Variants in HS6ST3 observed in about 807,000 individuals in gnomAD.
HS6ST3 encodes heparan-sulfate 6-O-sulfotransferase 3.
Under a neutral mutation model 36.7 loss-of-function variants are expected in HS6ST3, and 12 were observed. The ratio of observed to expected loss-of-function variants is 0.33; its 90% CI spans 0.21 to 0.53. HS6ST3 has a LOEUF of 0.53. Among genes scored for constraint, HS6ST3 ranks in the 20% least tolerant of loss-of-function variants. HS6ST3 has a pLI of 0.95. For synonymous variants in HS6ST3, 240 were observed against 257.5 expected, an observed-to-expected ratio of 0.93 and a Z score of 0.65; for missense variants, 584 against 640.9, an observed-to-expected ratio of 0.91 and a Z score of 0.96.
chr13:96,465,702 G>T (rs2055810234), intron 1 of HS6ST3, among the ~76,000 whole-genome samples: 1 of 151,962 alleles, frequency 6.6e-6, no homozygotes, highest in Admixed American at 6.6e-5. Context: ...GAACCTGGGT[G>T]GTGCTTACAT....
chr13:96,659,236 GT>G (rs1223849042), intron 1 of HS6ST3, among the ~76,000 whole-genome samples: 1 of 152,136 alleles, frequency 6.6e-6, no homozygotes, highest in Non-Finnish European at 1.5e-5. Flanking sequence ...GTGGTTTGGG[GT>G]GGTTATTTTA....
intron 1 of HS6ST3, among the ~76,000 whole-genome samples, chr13:96,265,304 A>G (rs776085344): frequency 5.9e-5 from 9 of 152,062 alleles, no homozygotes; most frequent in Admixed American, 3.9e-4. Flanking sequence ...CCTCACAAGT[A>G]GCTGGGACTA....
rs1301092215 is a variant in HS6ST3 at position 96,411,865 on chromosome 13, A to C, written c.707+320296A>C. ...TAGGGGGAGTGAGTGATAGGAAGAA[A>C]TCTATAATGACTTGTAGTTTCAGGG... On this transcript the variant is annotated intron_variant, in intron 1 of 1. Transcript: ENST00000376705. Among the ~76,000 whole-genome samples, 3 of 152,162 alleles carry C rather than the reference A, an allele frequency of 2.0e-5. No individual in the cohort carries two copies. In the East Asian group the frequency reaches 5.8e-4, roughly 29 times the overall value.
chr13:96,617,007 T>C (rs996064682), intron 1 of HS6ST3, among the ~76,000 whole-genome samples: 4 of 152,180 alleles, frequency 2.6e-5, no homozygotes, highest in Non-Finnish European at 5.9e-5. Flanking sequence ...GAGTTCAGAG[T>C]GAACTGAAGC....
At chr13:96,150,500 T>C (rs117227654) in intron 1 of HS6ST3, among the ~76,000 whole-genome samples, 1 of 152,082 alleles carries the variant, frequency 6.6e-6, no homozygotes, top group African/African-American at 2.4e-5. Context: ...TCCTTTCATA[T>C]CAGTAGAATA....
At chr13:96,209,915 A>G (rs2054390359) in intron 1 of HS6ST3, among the ~76,000 whole-genome samples, 2 of 152,162 alleles carry the variant, frequency 1.3e-5, no homozygotes, top group South Asian at 4.1e-4. Context: ...TTGTCTAATT[A>G]TCACTGTCTG....
intron 1 of HS6ST3, among the ~76,000 whole-genome samples, chr13:96,553,960 C>A (rs7334107): frequency 6.6e-6 from 1 of 152,018 alleles, no homozygotes; most frequent in Non-Finnish European, 1.5e-5. Context: ...TACAATAAAT[C>A]GCATTAGGGA....
At chr13:96,329,403 A>G (rs1479539429) in intron 1 of HS6ST3, among the ~76,000 whole-genome samples, 4 of 130,596 alleles carry the variant, frequency 3.1e-5, no homozygotes, top group African/African-American at 1.3e-4. Context: ...ATTGGTTTCA[A>G]AGAACATCTT....
At chr13:96,506,758 G>C (rs1409204135) in intron 1 of HS6ST3, among the ~76,000 whole-genome samples, 1 of 152,136 alleles carries the variant, frequency 6.6e-6, no homozygotes, top group Non-Finnish European at 1.5e-5. Context: ...GTTTTCAGAT[G>C]ACTTCCACCT....
intron 1 of HS6ST3, among the ~76,000 whole-genome samples, chr13:96,654,427 G>A (rs770354646): frequency 5.3e-4 from 80 of 151,828 alleles, no homozygotes; most frequent in Non-Finnish European, 9.7e-4. Context: ...TTCTGCATAT[G>A]GCTATCCAGT....
intron 1 of HS6ST3, among the ~76,000 whole-genome samples, chr13:96,796,869 G>C (rs1877925145): frequency 6.6e-6 from 1 of 152,032 alleles, no homozygotes; most frequent in African/African-American, 2.4e-5. Flanking sequence ...TTATTTGGTA[G>C]GGGACTATCG....
At chr13:96,226,673 C>G (rs1242628592) in intron 1 of HS6ST3, among the ~76,000 whole-genome samples, 2 of 152,102 alleles carry the variant, frequency 1.3e-5, no homozygotes, top group African/African-American at 4.8e-5. Context: ...CAATTTCTGT[C>G]TTATACATAG....
intron 1 of HS6ST3, among the ~76,000 whole-genome samples, chr13:96,142,999 TC>T (rs1349086982): frequency 6.6e-6 from 1 of 152,068 alleles, no homozygotes; most frequent in Non-Finnish European, 1.5e-5. Flanking sequence ...ATATTTTACC[TC>T]CCCCAAACCT....
intron 1 of HS6ST3, among the ~76,000 whole-genome samples, chr13:96,808,773 G>C (rs1878254976): frequency 6.6e-6 from 1 of 152,208 alleles, no homozygotes; most frequent in Non-Finnish European, 1.5e-5. Context: ...AGGGAGCCCA[G>C]ATTGCAGAGA....
At chr13:96,447,273 C>A (rs1056174797) in intron 1 of HS6ST3, among the ~76,000 whole-genome samples, 4 of 152,152 alleles carry the variant, frequency 2.6e-5, no homozygotes, top group African/African-American at 9.7e-5. Flanking sequence ...TTCTTCACCC[C>A]CTCCTCTTCC....
At chr13:96,441,765 A>C (rs934879241) in intron 1 of HS6ST3, among the ~76,000 whole-genome samples, 1 of 152,176 alleles carries the variant, frequency 6.6e-6, no homozygotes, top group African/African-American at 2.4e-5. Flanking sequence ...AATACATTAG[A>C]AGATTTGGAA....
intron 1 of HS6ST3, among the ~76,000 whole-genome samples, chr13:96,243,770 G>T (rs1400123196): frequency 6.6e-6 from 1 of 151,926 alleles, no homozygotes; most frequent in Non-Finnish European, 1.5e-5. Context: ...TTTCCCTGGG[G>T]TGCTTCTCAA....
chr13:96,418,637 T>A (rs1385185349), intron 1 of HS6ST3, among the ~76,000 whole-genome samples: 1 of 152,182 alleles, frequency 6.6e-6, no homozygotes, highest in Non-Finnish European at 1.5e-5. Context: ...GTTTAATGCT[T>A]CAATCAGCCA....
chr13:96,241,573 G>A (rs1425986965), intron 1 of HS6ST3, among the ~76,000 whole-genome samples: 1 of 150,412 alleles, frequency 6.6e-6, no homozygotes, highest in African/African-American at 2.4e-5. Flanking sequence ...GAAGAAAAAT[G>A]TTATCACTTA....
Sources: allele counts gnomAD v4.1 joint callset (sites outside exome capture counted in the v4.1 genomes callset), GRCh38; gene constraint gnomAD v4.1.1; transcripts MANE v1.5; gene names NCBI Gene and HGNC (gene_info 2026-07-23, HGNC 2026-07-21).